KCNU1: variants seen among roughly 807,000 people sequenced by gnomAD.
KCNU1 encodes the protein potassium channel subfamily U member 1.
KCNU1 carries 93 observed loss-of-function variants against 126.8 expected under a neutral mutation model. That is an observed-to-expected ratio of 0.73 (90% CI 0.62 to 0.87). The LOEUF is 0.87. Ranked by LOEUF, KCNU1 falls within the 40% of genes least tolerant of loss-of-function variation. KCNU1 has a pLI of 0.00. For missense variants in KCNU1, 1,330 were observed against 1,367.1 expected (o/e 0.97, Z 0.43); for synonymous variants, 523 against 494.2 (o/e 1.06, Z -0.77).
chr8:36,918,778 G>T (rs757121429), intron 22 of KCNU1, 45 bp from the exon 23 acceptor site: 42 of 1,133,274 alleles, frequency 3.7e-5, no homozygotes, highest in Non-Finnish European at 5.3e-5. Context: ...GACAAGTTTT[G>T]TAAGGCATTG....
intron 18 of KCNU1, among the ~76,000 whole-genome samples, chr8:36,853,714 C>A (rs142675087): frequency 6.6e-6 from 1 of 152,118 alleles, no homozygotes; most frequent in East Asian, 1.9e-4. Context: ...TTGGGAAGAT[C>A]ATGTATTATT....
At chr8:36,928,469 G>A (rs1366827495) in intron 24 of KCNU1, among the ~76,000 whole-genome samples, 1 of 152,026 alleles carries the variant, frequency 6.6e-6, no homozygotes, top group African/African-American at 2.4e-5. Context: ...ACCCTCCCAG[G>A]TGGTAGTGGG....
At chr8:36,888,540 G>A (rs1264156052) in intron 19 of KCNU1, 2 of 533,118 alleles carry the variant, frequency 3.8e-6, no homozygotes, top group Non-Finnish European at 7.7e-6. Context: ...TACAAGATCT[G>A]GGAGATCACA....
In KCNU1 at chr8:36,928,907, A is replaced by G. The variant is rs955986437; in HGVS notation, c.2737-2044A>G. ...TCCTGTCCATATATTCTGATCCAGG[A>G]GATCTGGGATCCCAGAAATCTACAC... On this transcript the variant is annotated intron_variant, in intron 24 of 26. Transcript: ENST00000399881. The G allele has an allele frequency of 4.4e-4, 282 of 634,660 alleles. 1 individual carries two copies. Among genetic ancestry groups the G allele is most frequent in the Non-Finnish European group, 9.0e-5 (32 of 355,218 alleles). The allele number at this position is 634,660 out of a possible 1,614,324, so 39.3% of individuals were successfully genotyped here. A position where few individuals can be genotyped will look rare whatever the true frequency, so the allele number is the denominator to read the frequency against.
intron 10 of KCNU1, among the ~76,000 whole-genome samples, chr8:36,825,439 C>A (rs777135625): frequency 3.9e-5 from 6 of 152,164 alleles, no homozygotes; most frequent in Admixed American, 6.5e-5. Flanking sequence ...AGTTTTATGA[C>A]AAATTTCATT....
intron 19 of KCNU1, among the ~76,000 whole-genome samples, chr8:36,893,452 A>T (rs1341034597): frequency 6.6e-6 from 1 of 152,088 alleles, no homozygotes; most frequent in Admixed American, 6.6e-5. Context: ...GGCCAAATAA[A>T]GATAAGCCCT....
chr8:36,807,296 T>G, intron 5 of KCNU1, 79 bp from the exon 6 acceptor site: 1 of 938,224 alleles, frequency 1.1e-6, no homozygotes, highest in Non-Finnish European at 1.8e-6. Context: ...TGTAAGTGAT[T>G]CCAATGCTGT....
chr8:36,834,983 C>A (rs1448042268), intron 12 of KCNU1, 115 bp downstream of exon 12: 4 of 673,108 alleles, frequency 5.9e-6, no homozygotes, highest in Non-Finnish European at 1.0e-5. Context: ...TCACTAGGTT[C>A]ATCATATTCC....
chr8:36,789,160 A>G (rs1031240980), intron 2 of KCNU1, among the ~76,000 whole-genome samples: 2 of 152,104 alleles, frequency 1.3e-5, no homozygotes, highest in Non-Finnish European at 2.9e-5. Context: ...GATCAAGACC[A>G]GCTTGAGCAG....
rs575118961 is a variant in KCNU1 at position 36,853,124 on chromosome 8, C to T, written c.1891+7225C>T. Among the ~76,000 whole-genome samples, 20 of 152,140 alleles carry T rather than the reference C, an allele frequency of 1.3e-4. 1 individual carries two copies. The highest frequency in any genetic ancestry group is 1.0e-3 in the South Asian group (5 of 4,822). On this transcript the variant is annotated intron_variant, in intron 18 of 26. Coordinates refer to ENST00000399881, the MANE Select transcript of KCNU1 (RefSeq NM_001031836.3). The stretch of plus-strand genomic sequence containing the variant: ...CAGCATTATGGGAGGCTGAGGTTGG[C>T]GTATCACCTGAGATCAGGAGTTCGA...
intron 22 of KCNU1, 66 bp downstream of exon 22, chr8:36,911,185 C>A: frequency 7.8e-7 from 1 of 1,286,544 alleles, no homozygotes; most frequent in Non-Finnish European, 1.1e-6. Context: ...ATTAACTCCT[C>A]TTTGAAGTAT....
At chr8:36,918,967 CT>C in intron 23 of KCNU1, 70 bp downstream of exon 23, 3 of 1,008,824 alleles carry the variant, frequency 3.0e-6, no homozygotes, top group Non-Finnish European at 4.7e-6. Context: ...TTCCAAGGAT[CT>C]TTTTAGAATG....
intron 19 of KCNU1, among the ~76,000 whole-genome samples, chr8:36,891,226 G>A (rs941920802): frequency 2.0e-5 from 3 of 151,626 alleles, no homozygotes; most frequent in African/African-American, 7.3e-5. Flanking sequence ...GGTTGCCTTG[G>A]AGATTACAAT....
chr8:36,820,591 C>T (rs1429739165), intron 10 of KCNU1, among the ~76,000 whole-genome samples: 1 of 148,656 alleles, frequency 6.7e-6, no homozygotes, highest in Non-Finnish European at 1.5e-5. Flanking sequence ...ATCATGCATG[C>T]TAAGGTATTA....
intron 19 of KCNU1, among the ~76,000 whole-genome samples, chr8:36,867,067 G>T (rs1387476889): frequency 6.6e-6 from 1 of 152,080 alleles, no homozygotes; most frequent in Admixed American, 6.6e-5. Context: ...ACAAGGGAAA[G>T]AAGTTGGAAA....
At chr8:36,832,234 C>A (rs193268562) in intron 10 of KCNU1, among the ~76,000 whole-genome samples, 6 of 152,060 alleles carry the variant, frequency 3.9e-5, no homozygotes, top group Admixed American at 3.3e-4. Context: ...TGATTGACTT[C>A]GTGAGTGGGC....
intron 19 of KCNU1, among the ~76,000 whole-genome samples, chr8:36,897,144 A>T (rs1380945892): frequency 2.6e-5 from 4 of 151,972 alleles, no homozygotes; most frequent in African/African-American, 9.7e-5. Flanking sequence ...ACATTTGATT[A>T]TACATAAGAC....
chr8:36,906,945 G>A (rs915345268), intron 20 of KCNU1, among the ~76,000 whole-genome samples: 1 of 152,172 alleles, frequency 6.6e-6, no homozygotes. Context: ...AGGTCAGGAA[G>A]TTGGTTGCAG....
chr8:36,843,545 C>G (rs1267254809), intron 16 of KCNU1, among the ~76,000 whole-genome samples: 1 of 152,170 alleles, frequency 6.6e-6, no homozygotes, highest in African/African-American at 2.4e-5. Context: ...TTTTCCCAAC[C>G]TCACACAACA....
Sources: allele counts gnomAD v4.1 joint callset (sites outside exome capture counted in the v4.1 genomes callset), GRCh38; gene constraint gnomAD v4.1.1; transcripts MANE v1.5; gene names NCBI Gene and HGNC (gene_info 2026-07-23, HGNC 2026-07-21).